PRKN: variants seen among roughly 807,000 people sequenced by gnomAD.
The protein encoded by PRKN is E3 ubiquitin-protein ligase parkin.
Under a neutral mutation model 59.5 loss-of-function variants are expected in PRKN, and 56 were observed. The ratio of observed to expected loss-of-function variants is 0.94; its 90% confidence interval spans 0.76 to 1.18. The LOEUF is 1.18. Ranked by LOEUF, PRKN falls within the 50% of genes most tolerant of loss-of-function variation. The pLI, the probability that PRKN is intolerant of heterozygous loss-of-function variation, is 0.00. For synonymous variants in PRKN, 250 were observed against 222.1 expected, an observed-to-expected ratio of 1.13 and a Z score of -1.12; for missense variants, 657 against 596.4, an observed-to-expected ratio of 1.10 and a Z score of -1.06.
intron 6 of PRKN, among the ~76,000 whole-genome samples, chr6:161,887,371 T>C (rs1052278543): frequency 1.3e-5 from 2 of 152,190 alleles, no homozygotes; most frequent in African/African-American, 4.8e-5. Flanking sequence ...GTAGTTAATT[T>C]GATAAAAACA....
At chr6:161,569,163 T>A (rs1033718553) in intron 8 of PRKN, among the ~76,000 whole-genome samples, 192 bp downstream of exon 8, 4 of 152,186 alleles carry the variant, frequency 2.6e-5, no homozygotes, top group Non-Finnish European at 5.9e-5. Flanking sequence ...ATGTAGCAAT[T>A]AATAACCTGT....
At chr6:162,656,451 C>A (rs538876166) in intron 1 of PRKN, among the ~76,000 whole-genome samples, 2 of 152,236 alleles carry the variant, frequency 1.3e-5, no homozygotes, top group African/African-American at 4.8e-5. Context: ...ATGGCCTCAC[C>A]CTCCATCCCA....
At chr6:162,496,797 A>G (rs1180985340) in intron 1 of PRKN, among the ~76,000 whole-genome samples, 3 of 152,230 alleles carry the variant, frequency 2.0e-5, no homozygotes, top group African/African-American at 7.2e-5. Flanking sequence ...GACGCAATTG[A>G]TAAATTGTAG....
chr6:162,544,919 C>A (rs1230839953), intron 1 of PRKN, among the ~76,000 whole-genome samples: 1 of 150,208 alleles, frequency 6.7e-6, no homozygotes, highest in Non-Finnish European at 1.5e-5. Flanking sequence ...TCAGGTGATC[C>A]ACCCACCTCA....
chr6:162,521,690 T>A (rs1416696512), intron 1 of PRKN, among the ~76,000 whole-genome samples: 1 of 152,110 alleles, frequency 6.6e-6, no homozygotes, highest in African/African-American at 2.4e-5. Flanking sequence ...AACGTACATA[T>A]ATATAATGTA....
At chr6:161,793,060 C>T (rs964422719) in intron 6 of PRKN, among the ~76,000 whole-genome samples, 1 of 152,298 alleles carries the variant, frequency 6.6e-6, no homozygotes, top group East Asian at 1.9e-4. Flanking sequence ...TTTCAGCCCA[C>T]GTGGGTCGTA....
intron 6 of PRKN, among the ~76,000 whole-genome samples, chr6:161,910,135 T>C (rs1490616130): frequency 1.3e-5 from 2 of 152,228 alleles, no homozygotes; most frequent in Non-Finnish European, 2.9e-5. Context: ...GGCAATCTCA[T>C]GATAAATCTT....
intron 2 of PRKN, among the ~76,000 whole-genome samples, chr6:162,296,184 AC>A (rs1033018376): frequency 6.6e-6 from 1 of 151,956 alleles, no homozygotes; most frequent in Non-Finnish European, 1.5e-5. Context: ...GTCAAGGCCC[AC>A]AGTCGCCTTA....
At chr6:161,911,728 T>C (rs551821988) in intron 6 of PRKN, among the ~76,000 whole-genome samples, 1 of 152,270 alleles carries the variant, frequency 6.6e-6, no homozygotes, top group East Asian at 1.9e-4. Context: ...TTCAAACCAG[T>C]GGGAAGCAAT....
At chr6:161,490,059 CT>C (rs1777490815) in intron 9 of PRKN, among the ~76,000 whole-genome samples, 1 of 152,226 alleles carries the variant, frequency 6.6e-6, no homozygotes, top group African/African-American at 2.4e-5. Flanking sequence ...GATATTCCAA[CT>C]TAATGTCTTA....
chr6:162,130,554 G>T (rs962626083), intron 4 of PRKN, among the ~76,000 whole-genome samples: 1 of 152,244 alleles, frequency 6.6e-6, no homozygotes, highest in African/African-American at 2.4e-5. Context: ...ATTGGGAGGT[G>T]CCCAGGAACA....
At chr6:161,713,270 C>T (rs1480724691) in intron 7 of PRKN, among the ~76,000 whole-genome samples, 1 of 152,124 alleles carries the variant, frequency 6.6e-6, no homozygotes, top group African/African-American at 2.4e-5. Flanking sequence ...ACCCTTGCAG[C>T]ATCTCTACAT....
rs1267925171 is a variant in PRKN at position 162,436,359 on chromosome 6, G to A, written c.171+6951C>T. Reference sequence around the variant, plus strand: ...TGTTTCCTTTTTTTTTTTTGAAACAGAGTCTCTTTGTGGCCCAGGCTGGAG... The same window carrying A: ...TGTTTCCTTTTTTTTTTTTGAAACAAAGTCTCTTTGTGGCCCAGGCTGGAG... On this transcript the variant is annotated intron_variant, in intron 2 of 11. Transcript: ENST00000366898. 2.7e-5 allele frequency among the ~76,000 whole-genome samples: 4 copies of A among 148,384 alleles called. No homozygotes were observed. In the South Asian group the frequency reaches 8.5e-4, roughly 32 times the overall value.
At chr6:162,477,753 T>C (rs933263456) in intron 1 of PRKN, among the ~76,000 whole-genome samples, 1 of 152,202 alleles carries the variant, frequency 6.6e-6, no homozygotes, top group South Asian at 2.1e-4. Context: ...TCATGCTTCA[T>C]ATTCTCCTGC....
chr6:161,814,389 A>G (rs1303444359), intron 6 of PRKN, among the ~76,000 whole-genome samples: 1 of 152,250 alleles, frequency 6.6e-6, no homozygotes, highest in Non-Finnish European at 1.5e-5. Flanking sequence ...TTGCTAATAA[A>G]GACTCACAGT....
chr6:162,065,151 C>T (rs1778276024), intron 4 of PRKN, among the ~76,000 whole-genome samples: 2 of 152,256 alleles, frequency 1.3e-5, no homozygotes, highest in South Asian at 4.1e-4. Context: ...CGTGTGCAGG[C>T]TGAGGAAGAA....
At chr6:162,066,600 C>T (rs1262744678) in intron 4 of PRKN, among the ~76,000 whole-genome samples, 1 of 152,112 alleles carries the variant, frequency 6.6e-6, no homozygotes, top group Non-Finnish European at 1.5e-5. Flanking sequence ...TACTGCTCTT[C>T]GACCATGTGA....
chr6:161,659,157 G>A (rs1332977037), intron 7 of PRKN, among the ~76,000 whole-genome samples: 1 of 152,210 alleles, frequency 6.6e-6, no homozygotes, highest in Non-Finnish European at 1.5e-5. Context: ...TATAGAAGAT[G>A]TGGTTTATAT....
chr6:162,513,760 G>C (rs918294465), intron 1 of PRKN, among the ~76,000 whole-genome samples: 1 of 151,918 alleles, frequency 6.6e-6, no homozygotes, highest in Non-Finnish European at 1.5e-5. Flanking sequence ...TCATTCTTTT[G>C]AAAATTAACC....
Sources: allele counts gnomAD v4.1 joint callset (sites outside exome capture counted in the v4.1 genomes callset), GRCh38; gene constraint gnomAD v4.1.1; transcripts MANE v1.5; gene names NCBI Gene and HGNC (gene_info 2026-07-23, HGNC 2026-07-21).